Variants in PCDHGA9 observed in about 807,000 individuals in gnomAD.
PCDHGA9 encodes protocadherin gamma subfamily A, 9.
In PCDHGA9, 37 loss-of-function variants were observed where a neutral mutation model predicts 62.5. The ratio of observed to expected loss-of-function variants is 0.59; its 90% CI spans 0.46 to 0.78. PCDHGA9 has a LOEUF of 0.78. PCDHGA9 is among the 30% of genes least tolerant of loss of function. PCDHGA9 has a pLI of 0.00. For synonymous variants in PCDHGA9, 459 were observed against 484.6 expected (o/e 0.95, Z 0.69); for missense variants, 1,138 against 1,166.2 (o/e 0.98, Z 0.35).
At chr5:141,492,163 C>G (rs921256341) in intron 1 of PCDHGA9, among the ~76,000 whole-genome samples, 3 of 152,232 alleles carry the variant, frequency 2.0e-5, no homozygotes, top group Admixed American at 6.5e-5. Flanking sequence ...CCTCCCTATC[C>G]CCGCATCACC....
At position 141,428,042 on chromosome 5, in the gene PCDHGA9, G is replaced by A; in HGVS notation, c.2424+22666G>A. The A allele has an allele frequency of 1.9e-6, 3 of 1,608,716 alleles. No individual in the cohort carries two copies. The South Asian group carries it at 3.3e-5, about 18-fold the overall frequency. On this transcript the variant is annotated intron_variant, in intron 1 of 3. Transcript: ENST00000573521. ...GCGCCGCAGAGTCCGGCTACCTGGT[G>A]ACCAAGGTGGTGGCGGTGGACGCAG...
intron 1 of PCDHGA9, chr5:141,413,689 C>A: frequency 1.2e-6 from 2 of 1,613,800 alleles, no homozygotes; most frequent in Non-Finnish European, 1.7e-6. Flanking sequence ...GAACTCCCTG[C>A]AGAGCTATCA....
At chr5:141,421,892 T>C in intron 1 of PCDHGA9, 1 of 1,613,684 alleles carries the variant, frequency 6.2e-7, no homozygotes, top group Non-Finnish European at 8.5e-7. Context: ...GGCGATCCCA[T>C]CCGAAAGGGC....
intron 1 of PCDHGA9, chr5:141,418,595 G>GT (rs2096273873): frequency 6.2e-7 from 1 of 1,613,928 alleles, no homozygotes; most frequent in African/African-American, 1.3e-5. Context: ...CAGCCAGGAC[G>GT]TGTACAGGGT....
At chr5:141,436,294 G>A (rs1205368824) in intron 1 of PCDHGA9, among the ~76,000 whole-genome samples, 1 of 152,142 alleles carries the variant, frequency 6.6e-6, no homozygotes, top group Non-Finnish European at 1.5e-5. Context: ...AAATCATTGA[G>A]AGTTAGAGCA....
Position 141,476,659 on chromosome 5 carries a change from G to C in PCDHGA9, c.2425-18148G>C. On this transcript the variant is annotated intron_variant, in intron 1 of 3. Transcript: ENST00000573521. This position sits in a 1 kb window ranked among gnomAD's most constrained non-coding sequence, Gnocchi z 7.6. ...AGCTGAGCCGAAATGAATACTTTGCGCTTCGCGTGCAGACGCGGGAGGACA... is the reference window on the plus strand; with the variant it reads ...AGCTGAGCCGAAATGAATACTTTGCCCTTCGCGTGCAGACGCGGGAGGACA... 1 of 1,614,252 alleles carries C rather than the reference G, an allele frequency of 6.2e-7. No individual in the cohort carries two copies. The highest frequency in any genetic ancestry group is 8.5e-7 in the Non-Finnish European group (1 of 1,180,048).
rs1441582051 is a variant in PCDHGA9, at chr5:141,487,416, G to A, written c.2425-7391G>A. 1 of 1,614,088 alleles carries A rather than the reference G, an allele frequency of 6.2e-7. No individual in the cohort carries two copies. Among genetic ancestry groups the A allele is most frequent in the Admixed American group, 1.7e-5 (1 of 60,024 alleles). On this transcript the variant is annotated intron_variant, in intron 1 of 3. Coordinates refer to ENST00000573521, the MANE Select transcript of PCDHGA9 (RefSeq NM_018921.3). The surrounding 1 kb of genome is among the most constrained non-coding windows in gnomAD (Gnocchi z 5.0). ...AGGGAGGGGCTTCCCCCTTCCAATGGGATCCTCCGAATCCAGCTAGGGTCA... is the reference window on the plus strand; with the variant it reads ...AGGGAGGGGCTTCCCCCTTCCAATGAGATCCTCCGAATCCAGCTAGGGTCA...
chr5:141,511,381 G>A lies in PCDHGA9; in HGVS notation c.*208G>A, dbSNP rs545793377. 97 of 1,170,372 alleles carry A rather than the reference G, an allele frequency of 8.3e-5. No homozygotes were observed. In the East Asian group the frequency reaches 9.2e-4, roughly 11 times the overall value. 72.5% of individuals were successfully genotyped at this position (1,170,372 alleles called of 1,614,324 possible). On this transcript the variant is annotated 3_prime_UTR_variant, in exon 4 of 4. Transcript: ENST00000573521. ...GGGTTGAATATGCAAAAGCAGTTCC[G>A]CTGGGAACCCCCATCCAATCAACTG...
rs11575965 is a variant in PCDHGA9 at position 141,430,679 on chromosome 5, T to C, written c.2424+25303T>C. 6,478 of 1,333,262 alleles carry C rather than the reference T, an allele frequency of 4.9e-3. 34 individuals carry two copies. Among genetic ancestry groups the C allele is most frequent in the Admixed American group, 9.3e-3 (354 of 37,978 alleles). 82.6% of individuals were successfully genotyped at this position (1,333,262 alleles called of 1,614,324 possible). ...CGGAGGAGCTCTGACTTCCCAACTG[T>C]CCCATTCTATGGGCGAAGGAACTGC... On this transcript the variant is annotated intron_variant, in intron 1 of 3. Coordinates refer to ENST00000573521, the MANE Select transcript of PCDHGA9 (RefSeq NM_018921.3).
rs561548499 is a variant in PCDHGA9, at chr5:141,414,930, C to T, written c.2424+9554C>T. On this transcript the variant is annotated intron_variant, in intron 1 of 3. Coordinates refer to ENST00000573521, the MANE Select transcript of PCDHGA9 (RefSeq NM_018921.3). ...CAGGCGTGGAGCTGGCGCCCCGCTC[C>T]GCAGAGCCCGGCTACCTGGTGACCA... 1.9e-6 allele frequency: 3 copies of T among 1,614,156 alleles called. No homozygotes were observed. The South Asian group carries it at 3.3e-5, about 18-fold the overall frequency.
chr5:141,423,864 G>A (rs180692491), intron 1 of PCDHGA9: 551 of 1,284,224 alleles, frequency 4.3e-4, no homozygotes, highest in Non-Finnish European at 5.0e-4. Context: ...TTTTGTGAAA[G>A]TCATTTTTCA....
intron 1 of PCDHGA9, among the ~76,000 whole-genome samples, chr5:141,470,151 CT>C (rs746135943): frequency 7.2e-5 from 11 of 152,164 alleles, no homozygotes; most frequent in Non-Finnish European, 1.6e-4. Flanking sequence ...CATAGATCAT[CT>C]TATCAAATCA....
At chr5:141,423,042 G>A in intron 1 of PCDHGA9, 1 of 1,614,220 alleles carries the variant, frequency 6.2e-7, no homozygotes, top group Non-Finnish European at 8.5e-7. Context: ...ACGCCTGGCT[G>A]TCCTATCGCC....
intron 1 of PCDHGA9, chr5:141,478,910 A>C (rs568573298): frequency 1.1e-6 from 1 of 893,688 alleles, no homozygotes; most frequent in Non-Finnish European, 1.6e-6. Context: ...AAGCTGCTGG[A>C]TACCTCTAAC....
At chr5:141,492,404 T>C (rs944864208) in intron 1 of PCDHGA9, among the ~76,000 whole-genome samples, 9 of 152,316 alleles carry the variant, frequency 5.9e-5, no homozygotes, top group African/African-American at 1.9e-4. Context: ...GCAGCTCCCC[T>C]CTGCCGCTCC....
At chr5:141,449,948 C>T (rs1294423807) in intron 1 of PCDHGA9, among the ~76,000 whole-genome samples, 1 of 151,034 alleles carries the variant, frequency 6.6e-6, no homozygotes, top group Non-Finnish European at 1.5e-5. Context: ...TTTTACTATA[C>T]CTCATAGTAA....
In PCDHGA9 at chr5:141,487,574, C is replaced by T. The variant is rs753979217; in HGVS notation, c.2425-7233C>T. ...TGCACCTATGGCAGGGGAGCCTGTTCGCCCAAGCTGCCCACCCTCTGATCT... is the reference window on the plus strand; with the variant it reads ...TGCACCTATGGCAGGGGAGCCTGTTTGCCCAAGCTGCCCACCCTCTGATCT... On this transcript the variant is annotated intron_variant, in intron 1 of 3. Transcript: ENST00000573521. This position sits in a 1 kb window ranked among gnomAD's most constrained non-coding sequence, Gnocchi z 5.0. 1.2e-5 allele frequency: 20 copies of T among 1,614,040 alleles called. 1 individual carries two copies. The highest frequency in any genetic ancestry group is 8.9e-5 in the East Asian group (4 of 44,870).
At chr5:141,414,026 C>A in intron 1 of PCDHGA9, 1 of 1,612,468 alleles carries the variant, frequency 6.2e-7, no homozygotes, top group Non-Finnish European at 8.5e-7. Flanking sequence ...GTGACATATT[C>A]ATTCCGAAAA....
At position 141,511,423 on chromosome 5, in the gene PCDHGA9, A is replaced by G. The variant is rs1301463531; in HGVS notation, c.*250A>G. On this transcript the variant is annotated 3_prime_UTR_variant, in exon 4 of 4. Transcript: ENST00000573521. ...AATCAACTGCTGTACCCATGGGGGTAGTGGGGTTACTGTAGACACCAAGAA... is the reference window on the plus strand; with the variant it reads ...AATCAACTGCTGTACCCATGGGGGTGGTGGGGTTACTGTAGACACCAAGAA... 15 of 818,384 alleles carry G rather than the reference A, an allele frequency of 1.8e-5. No homozygotes were observed. Among genetic ancestry groups the G allele is most frequent in the East Asian group, 3.0e-5 (1 of 33,874 alleles). 50.7% of individuals were successfully genotyped at this position (818,384 alleles called of 1,614,324 possible). A position where few individuals can be genotyped will look rare whatever the true frequency, so the allele number is the denominator to read the frequency against.
Sources: allele counts gnomAD v4.1 joint callset (sites outside exome capture counted in the v4.1 genomes callset), GRCh38; gene constraint gnomAD v4.1.1; non-coding constraint Gnocchi (gnomAD v3.1); transcripts MANE v1.5; gene names NCBI Gene and HGNC (gene_info 2026-07-23, HGNC 2026-07-21).